RERE: variants seen among roughly 807,000 people sequenced by gnomAD.
The protein encoded by RERE is arginine-glutamic acid dipeptide repeats.
In RERE, 40 loss-of-function variants were observed where a neutral mutation model predicts 146.1. The observed-to-expected ratio is 0.27, with a 90% CI of 0.21 to 0.36. RERE has a LOEUF of 0.36. Ranked by LOEUF, RERE falls within the 10% of genes least tolerant of loss-of-function variation. RERE has a pLI of 1.00. For synonymous variants in RERE, 1,003 were observed against 866.0 expected (o/e 1.16, Z -2.78); for missense variants, 1,933 against 2,138.7 (o/e 0.90, Z 1.90).
chr1:8,392,328 A>AGGT, intron 12 of RERE, among the ~76,000 whole-genome samples: 1 of 152,378 alleles, frequency 6.6e-6, no homozygotes, highest in East Asian at 1.9e-4. Flanking sequence ...AAATAAAAAA[A>AGGT]GGTGAATCTA....
chr1:8,361,375 G>T lies in RERE; in HGVS notation c.2132C>A (p.Thr711Lys). Residue 711 changes from threonine to lysine, a missense_variant, in exon 18 of 23, where the codon ACG becomes AAG. Around this residue, in one of 11 missense-constraint regions of RERE, gnomAD observed 1,255 missense variants for 1,153.8 expected, o/e 1.09. Transcript: ENST00000400908. ...PKDIDQDNRS[T>K]SPSIPSPQDN... ...CTGGGGGCTGGGGATGCTCGGGGAC[G>T]TGCTGCGATTGTCCTGGTCGATGTC... The T allele has an allele frequency of 6.2e-7, 1 of 1,613,814 alleles. No homozygotes were observed. The highest frequency in any genetic ancestry group is 1.7e-5 in the Admixed American group (1 of 59,996).
At chr1:8,773,592 A>G (rs1459429374) in intron 1 of RERE, among the ~76,000 whole-genome samples, 1 of 152,168 alleles carries the variant, frequency 6.6e-6, no homozygotes, top group Non-Finnish European at 1.5e-5. Flanking sequence ...TTGGGAGGCC[A>G]GGGTGGGCGA....
intron 6 of RERE, among the ~76,000 whole-genome samples, chr1:8,554,907 C>T (rs1327468476): frequency 6.6e-6 from 1 of 152,106 alleles, no homozygotes; most frequent in African/African-American, 2.4e-5. Flanking sequence ...GTCACTGGTC[C>T]CAGGTAACAA....
intron 7 of RERE, among the ~76,000 whole-genome samples, chr1:8,535,570 A>G (rs1645713780): frequency 6.6e-6 from 1 of 152,244 alleles, no homozygotes; most frequent in African/African-American, 2.4e-5. Flanking sequence ...AAAACAAAAT[A>G]AAATGCACAC....
chr1:8,395,430 AC>A (rs1333022314), intron 12 of RERE, among the ~76,000 whole-genome samples: 1 of 151,450 alleles, frequency 6.6e-6, no homozygotes, highest in African/African-American at 2.4e-5. Context: ...AGCTGAGATC[AC>A]GCCACTACAC....
intron 1 of RERE, among the ~76,000 whole-genome samples, chr1:8,673,821 T>C (rs1227771263): frequency 6.6e-6 from 1 of 152,114 alleles, no homozygotes; most frequent in Non-Finnish European, 1.5e-5. Flanking sequence ...GGCAGGTAGA[T>C]CACTCGAGCC....
intron 1 of RERE, among the ~76,000 whole-genome samples, chr1:8,742,261 C>T (rs930682302): frequency 1.3e-5 from 2 of 152,194 alleles, no homozygotes; most frequent in African/African-American, 2.4e-5. Context: ...TGCAAACAGT[C>T]TTCTAAAGCA....
intron 12 of RERE, among the ~76,000 whole-genome samples, chr1:8,400,315 A>G (rs1285890611): frequency 4.0e-5 from 6 of 151,452 alleles, no homozygotes; most frequent in African/African-American, 1.5e-4. Context: ...GTGCAGAGGT[A>G]TGATCATAGC....
At chr1:8,609,204 C>CAAGA (rs1221544129) in intron 4 of RERE, among the ~76,000 whole-genome samples, 1 of 148,270 alleles carries the variant, frequency 6.7e-6, no homozygotes, top group Non-Finnish European at 1.5e-5. Context: ...GGCAAAAGAG[C>CAAGA]AAGACCCTGT....
At chr1:8,665,168 T>C (rs780748485) in intron 1 of RERE, among the ~76,000 whole-genome samples, 1 of 152,218 alleles carries the variant, frequency 6.6e-6, no homozygotes, top group Non-Finnish European at 1.5e-5. Context: ...AGGTGCCTCC[T>C]ACCCTTCCTT....
chr1:8,359,046 A>G (rs1641439174), intron 19 of RERE, 130 bp from the exon 20 acceptor site: 1 of 1,199,326 alleles, frequency 8.3e-7, no homozygotes, highest in Non-Finnish European at 1.1e-6. Context: ...CTCCACGGAG[A>G]CCCGGCCCTG....
chr1:8,591,428 TAA>T (rs70982795), intron 4 of RERE, among the ~76,000 whole-genome samples: 11 of 142,458 alleles, frequency 7.7e-5, no homozygotes, highest in Admixed American at 2.8e-4. Context: ...CTTTTTGCTT[TAA>T]AAAAAAAAAA....
chr1:8,502,820 T>C (rs1400091697), intron 8 of RERE, among the ~76,000 whole-genome samples: 1 of 148,200 alleles, frequency 6.7e-6, no homozygotes, highest in Non-Finnish European at 1.5e-5. Flanking sequence ...ACATGTGCTG[T>C]GTCCACTCAG....
At chr1:8,623,114 G>C (rs773014145) in intron 3 of RERE, among the ~76,000 whole-genome samples, 1 of 152,162 alleles carries the variant, frequency 6.6e-6, no homozygotes, top group Non-Finnish European at 1.5e-5. Context: ...TACTTCAGTA[G>C]TATTTCAAAT....
At chr1:8,563,327 A>G (rs1431169998) in intron 4 of RERE, among the ~76,000 whole-genome samples, 1 of 152,232 alleles carries the variant, frequency 6.6e-6, no homozygotes, top group African/African-American at 2.4e-5. Context: ...GTTCATAAAT[A>G]CCAATAGGAC....
At position 8,432,801 on chromosome 1, in the gene RERE, A is replaced by C. The variant is rs575238837; in HGVS notation, c.1204-9994T>G. On this transcript the variant is annotated intron_variant, in intron 11 of 22. Coordinates refer to ENST00000400908, the MANE Select transcript of RERE (RefSeq NM_001042681.2). ...TTGGTAGGATGGAAACAAAATTTCT[A>C]ATCAATGTTAGATTTGTTTCTTTTT... Among the ~76,000 whole-genome samples, 8 of 152,306 alleles carry C rather than the reference A, an allele frequency of 5.3e-5. No homozygotes were observed. In the South Asian group the frequency reaches 1.5e-3, roughly 28 times the overall value.
chr1:8,617,283 G>A (rs1320464084), intron 3 of RERE, among the ~76,000 whole-genome samples: 2 of 140,752 alleles, frequency 1.4e-5, no homozygotes, highest in African/African-American at 2.6e-5. Context: ...GCGGAGGCTG[G>A]AAAGAGCTGA....
At position 8,354,966 on chromosome 1, in the gene RERE, TA is replaced by T; in HGVS notation, c.*120del. 1 of 793,278 alleles carries T rather than the reference TA, an allele frequency of 1.3e-6. No homozygotes were observed. The highest frequency in any genetic ancestry group is 2.0e-6 in the Non-Finnish European group (1 of 489,664). The allele number at this position is 793,278 out of a possible 1,614,324, so 49.1% of individuals were successfully genotyped here. On this transcript the variant is annotated 3_prime_UTR_variant, in exon 23 of 23. Transcript: ENST00000400908. Reference sequence around the variant, plus strand: ...ACATTTTTAGTTGTGGGTTTTTAAATATATAAAGAAATCTTTAGAAGATATT... The same window carrying T: ...ACATTTTTAGTTGTGGGTTTTTAAATTATAAAGAAATCTTTAGAAGATATT...
At position 8,405,184 on chromosome 1, in the gene RERE, T is replaced by C. The variant is rs573029130; in HGVS notation, c.1284+17543A>G. On this transcript the variant is annotated intron_variant, in intron 12 of 22. Transcript: ENST00000400908. Reference sequence around the variant, plus strand: ...CTCTGCTGGTAGCGGTATGCCAATATAATCTCTCAGGAGGATGCAAGGCAC... The same window carrying C: ...CTCTGCTGGTAGCGGTATGCCAATACAATCTCTCAGGAGGATGCAAGGCAC... Among the ~76,000 whole-genome samples, 23 of 152,312 alleles carry C rather than the reference T, an allele frequency of 1.5e-4. No individual in the cohort carries two copies. The South Asian group carries it at 3.5e-3, about 23-fold the overall frequency.
Sources: allele counts gnomAD v4.1 joint callset (sites outside exome capture counted in the v4.1 genomes callset), GRCh38; gene constraint gnomAD v4.1.1; regional missense constraint gnomAD v4.1.1; transcripts MANE v1.5; gene names NCBI Gene and HGNC (gene_info 2026-07-23, HGNC 2026-07-21).